RANGAP1: variants seen among roughly 807,000 people sequenced by gnomAD.
RANGAP1 encodes the protein Ran GTPase activating protein 1.
A neutral mutation model predicts 63.5 loss-of-function variants in RANGAP1; 38 were observed. That is an observed-to-expected ratio of 0.60 (90% CI 0.46 to 0.78). The LOEUF (loss-of-function observed/expected upper bound fraction) is 0.78. Among genes scored for constraint, RANGAP1 ranks in the 30% least tolerant of loss-of-function variants. The probability of loss-of-function intolerance (pLI) is 0.00; values close to 1 mark genes in which losing one functional copy is unlikely to be tolerated. For synonymous variants in RANGAP1, 329 were observed against 310.5 expected (o/e 1.06, Z -0.63); for missense variants, 630 against 740.3 (o/e 0.85, Z 1.73).
In RANGAP1 at chr22:41,257,907, T is replaced by C. The variant is rs2033938654; in HGVS notation, c.774+41A>G. 4 of 1,554,274 alleles carry C rather than the reference T, an allele frequency of 2.6e-6. No individual in the cohort carries two copies. The highest frequency in any genetic ancestry group is 3.5e-6 in the Non-Finnish European group (4 of 1,144,444). ...CCCTGGAAAGACAGCAGCCAGCCTC[T>C]ATCTGGCGGGGCCCAACTGGCTCTG... On this transcript the variant is annotated intron_variant, in intron 7 of 15. Coordinates refer to ENST00000356244, the MANE Select transcript of RANGAP1 (RefSeq NM_002883.4). This position sits in a 1 kb window ranked among gnomAD's most constrained non-coding sequence, Gnocchi z 4.0.
chr22:41,247,045 TTTTTTC>T (rs1176335868), intron 15 of RANGAP1, among the ~76,000 whole-genome samples: 11 of 152,256 alleles, frequency 7.2e-5, no homozygotes, highest in South Asian at 2.1e-4. Context: ...TTTGGTTGCT[TTTTTTC>T]TTTTTCTTTT....
Position 41,246,185 on chromosome 22 carries a change from A to AC in RANGAP1, c.*417_*418insG, listed in dbSNP as rs2033013345. 5.1e-6 allele frequency: 1 copy of AC among 196,858 alleles called. No individual in the cohort carries two copies. The highest frequency in any genetic ancestry group is 2.3e-5 in the African/African-American group (1 of 42,756). 12.2% of individuals were successfully genotyped at this position (196,858 alleles called of 1,614,324 possible). The stretch of plus-strand genomic sequence containing the variant: ...ACAACCCAATCACAACACAGAGGGG[A>AC]AGGACAGCACGCGGGCAACTCCCTG... On this transcript the variant is annotated 3_prime_UTR_variant, in exon 16 of 16. Coordinates refer to ENST00000356244, the MANE Select transcript of RANGAP1 (RefSeq NM_002883.4).
At chr22:41,254,563 C>G in intron 10 of RANGAP1, 69 bp from the exon 11 acceptor site, 34 of 1,509,538 alleles carry the variant, frequency 2.3e-5, no homozygotes, top group Non-Finnish European at 2.9e-5. Context: ...AGGCCTGGCT[C>G]CATGAGCCCA....
At chr22:41,272,350 C>T (rs974753821) in intron 3 of RANGAP1, among the ~76,000 whole-genome samples, 1 of 152,140 alleles carries the variant, frequency 6.6e-6, no homozygotes, top group Admixed American at 6.6e-5. Flanking sequence ...TGACCATGAC[C>T]TTCCTAAGGA....
At chr22:41,274,748 G>T (rs767405608) in intron 2 of RANGAP1, 21 bp from the exon 3 acceptor site, 1 of 1,613,436 alleles carries the variant, frequency 6.2e-7, no homozygotes. Context: ...CCAAAGAGCA[G>T]AACCTTAGGC....
At chr22:41,275,314 G>A (rs1352703226) in intron 2 of RANGAP1, among the ~76,000 whole-genome samples, 1 of 151,990 alleles carries the variant, frequency 6.6e-6, no homozygotes, top group Non-Finnish European at 1.5e-5. Context: ...GCAACATGGT[G>A]AAACTCTGTC....
upstream of RANGAP1, among the ~76,000 whole-genome samples, chr22:41,287,453 C>G (rs151309050): frequency 2.7e-5 from 4 of 145,928 alleles, no homozygotes; most frequent in African/African-American, 1.0e-4. Flanking sequence ...GGATTATAGG[C>G]GAGAGAGTGT....
chr22:41,292,392 TGCCC>T, the RANGAP1 span, among the ~76,000 whole-genome samples: 1 of 151,390 alleles, frequency 6.6e-6, no homozygotes, highest in African/African-American at 2.4e-5. Flanking sequence ...TCAGATGATC[TGCCC>T]GCCTCTGCCT....
At chr22:41,262,693 T>C (rs76783729) in intron 5 of RANGAP1, among the ~76,000 whole-genome samples, 114 of 152,186 alleles carry the variant, frequency 7.5e-4, no homozygotes, top group African/African-American at 2.6e-3. Context: ...GGTAGAGACA[T>C]CAAACTTCTG....
At chr22:41,289,596 C>T (rs753315749), upstream of RANGAP1, among the ~76,000 whole-genome samples, 1 of 151,992 alleles carries the variant, frequency 6.6e-6, no homozygotes, top group Non-Finnish European at 1.5e-5. Context: ...GCACTCCAGC[C>T]TAGGCAACAA....
chr22:41,284,052 T>C (rs1224357482), intron 1 of RANGAP1, among the ~76,000 whole-genome samples: 5 of 151,214 alleles, frequency 3.3e-5, no homozygotes, highest in Non-Finnish European at 7.4e-5. Context: ...ATCGAGACCA[T>C]CCTGGCTAAC....
At chr22:41,265,049 G>C (rs2034388824) in intron 4 of RANGAP1, among the ~76,000 whole-genome samples, 1 of 152,244 alleles carries the variant, frequency 6.6e-6, no homozygotes, top group South Asian at 2.1e-4. Context: ...CGTATGCCTG[G>C]AGTGGCCCGG....
At position 41,286,059 on chromosome 22, in the gene RANGAP1, G is replaced by C. The variant is rs1389917315; in HGVS notation, c.-112C>G. On this transcript the variant is annotated 5_prime_UTR_variant, in exon 1 of 16. Transcript: ENST00000356244. ...GCCCTCTGGGGCGGGGACGGATTTA[G>C]GGTCCGGGTCAGGCCGGGGTCGCCA... The C allele has an allele frequency of 6.6e-6, 1 of 152,372 alleles. No homozygotes were observed. Among genetic ancestry groups the C allele is most frequent in the Non-Finnish European group, 1.5e-5 (1 of 68,160 alleles). 9.4% of individuals were successfully genotyped at this position (152,372 alleles called of 1,614,324 possible).
chr22:41,263,122 G>T (rs924622330), intron 5 of RANGAP1, among the ~76,000 whole-genome samples: 4 of 152,062 alleles, frequency 2.6e-5, no homozygotes, highest in African/African-American at 9.7e-5. Flanking sequence ...AGGCCCTCTG[G>T]TCCTGGGTCC....
At position 41,254,397 on chromosome 22, in the gene RANGAP1, C is replaced by A. The variant is rs772648787; in HGVS notation, c.1171G>T (p.Glu391Ter). ...EEDEEEEEEE[E>*]EEEEEEPQQR... ...TGAGGCTCTTCTTCCTCCTCCTCCT[C>A]CTCTTCTTCCTCCTCTTCCTCATCT... is the stretch of plus-strand genomic sequence containing the variant. The change falls in exon 11 of 16, where the codon GAG (glutamate) becomes TAG (stop). Residue 391 changes from glutamate to a stop codon, truncating the protein, a stop_gained. Coordinates refer to ENST00000356244, the MANE Select transcript of RANGAP1 (RefSeq NM_002883.4). LOFTEE classifies it high-confidence loss of function. The A allele has an allele frequency of 1.2e-6, 2 of 1,613,826 alleles. No individual in the cohort carries two copies. Among genetic ancestry groups the A allele is most frequent in the Non-Finnish European group, 1.7e-6 (2 of 1,179,844 alleles).
the RANGAP1 span, among the ~76,000 whole-genome samples, chr22:41,293,791 T>C: frequency 2.2e-5 from 3 of 136,934 alleles, no homozygotes; most frequent in African/African-American, 8.5e-5. Context: ...AGAAAAGAAA[T>C]AATTTTTAAA....
chr22:41,281,180 C>A, intron 1 of RANGAP1, 98 bp from the exon 2 acceptor site: 2 of 1,286,128 alleles, frequency 1.6e-6, no homozygotes, highest in South Asian at 1.5e-5. Flanking sequence ...CTGACCCTAC[C>A]TCCCCTGCTA....
chr22:41,262,638 G>A (rs1009309951), intron 5 of RANGAP1, among the ~76,000 whole-genome samples: 7 of 152,158 alleles, frequency 4.6e-5, no homozygotes, highest in South Asian at 2.1e-4. Context: ...CTGACTCCAC[G>A]GTGGTGATGG....
chr22:41,263,462 G>A (rs1192165883), intron 5 of RANGAP1, among the ~76,000 whole-genome samples: 1 of 152,174 alleles, frequency 6.6e-6, no homozygotes, highest in East Asian at 1.9e-4. Context: ...TCGGCTCACT[G>A]CAACCTCCAC....
Sources: gnomAD v4.1 joint callset for allele counts (sites outside exome capture counted in the v4.1 genomes callset) on GRCh38, gnomAD v4.1.1 for gene constraint, Gnocchi (gnomAD v3.1) non-coding constraint, MANE v1.5 for transcripts, NCBI Gene and HGNC (gene_info 2026-07-23, HGNC 2026-07-21) for gene names.